The following EVI5 variants were observed in gnomAD, a reference collection of about 807,000 sequenced individuals.
The protein encoded by EVI5 is ecotropic viral integration site 5.
Under a neutral mutation model 112.0 loss-of-function variants are expected in EVI5, and 73 were observed. The observed-to-expected ratio is 0.65, with a 90% CI of 0.54 to 0.79. EVI5 has a LOEUF of 0.79. Among genes scored for constraint, EVI5 ranks in the 30% least tolerant of loss-of-function variants. The probability of loss-of-function intolerance (pLI) is 0.00; values close to 1 mark genes in which losing one functional copy is unlikely to be tolerated. For missense variants in EVI5, 900 were observed against 968.8 expected, an observed-to-expected ratio of 0.93 and a Z score of 0.94; for synonymous variants, 305 against 319.9, an observed-to-expected ratio of 0.95 and a Z score of 0.50.
At chr1:92,644,847 T>C (rs1193538703) in intron 13 of EVI5, among the ~76,000 whole-genome samples, 1 of 152,190 alleles carries the variant, frequency 6.6e-6, no homozygotes, top group East Asian at 1.9e-4. Context: ...TAATTTCTAA[T>C]TGAATGATAT....
At chr1:92,597,698 A>T (rs1340735353) in intron 18 of EVI5, among the ~76,000 whole-genome samples, 1 of 152,256 alleles carries the variant, frequency 6.6e-6, no homozygotes, top group East Asian at 1.9e-4. Flanking sequence ...CTACTGGTCA[A>T]ATTTGGTCAA....
At chr1:92,572,989 A>G (rs907691644) in intron 18 of EVI5, among the ~76,000 whole-genome samples, 2 of 152,086 alleles carry the variant, frequency 1.3e-5, no homozygotes, top group Non-Finnish European at 2.9e-5. Context: ...CTTTTTAGCT[A>G]TATAAGCCAA....
intron 2 of EVI5, among the ~76,000 whole-genome samples, chr1:92,712,999 G>C (rs1570525442): frequency 6.6e-6 from 1 of 151,422 alleles, no homozygotes; most frequent in East Asian, 1.9e-4. Context: ...GTCTTGAGAG[G>C]CTGGTCTCAA....
At chr1:92,780,182 G>A (rs1050743988) in intron 1 of EVI5, among the ~76,000 whole-genome samples, 8 of 152,192 alleles carry the variant, frequency 5.3e-5, no homozygotes, top group South Asian at 4.1e-4. Flanking sequence ...GCATTCATTC[G>A]CTCTCCTGTT....
intron 16 of EVI5, among the ~76,000 whole-genome samples, chr1:92,621,974 A>T (rs1654688941): frequency 6.6e-6 from 1 of 152,002 alleles, no homozygotes; most frequent in Admixed American, 6.6e-5. Context: ...TACAAAAATT[A>T]GCCAGGCGTG....
chr1:92,545,629 A>G (rs1665557719), intron 19 of EVI5, among the ~76,000 whole-genome samples: 1 of 152,184 alleles, frequency 6.6e-6, no homozygotes, highest in African/African-American at 2.4e-5. Flanking sequence ...ACGATTTTTA[A>G]AAACACAATC....
At chr1:92,703,304 T>C (rs983824221) in intron 4 of EVI5, 91 bp downstream of exon 4, 7 of 743,792 alleles carry the variant, frequency 9.4e-6, no homozygotes, top group Admixed American at 6.1e-5. Flanking sequence ...CTGATTATTG[T>C]GGTGGGAGGT....
At chr1:92,681,693 A>G (rs1359959551) in intron 9 of EVI5, among the ~76,000 whole-genome samples, 1 of 152,226 alleles carries the variant, frequency 6.6e-6, no homozygotes, top group African/African-American at 2.4e-5. Context: ...AGTCTGGCCC[A>G]TGAGGAGGAC....
intron 19 of EVI5, among the ~76,000 whole-genome samples, chr1:92,518,655 TA>T (rs11432913): frequency 1.5e-4 from 22 of 145,432 alleles, no homozygotes; most frequent in East Asian, 2.0e-4. Flanking sequence ...AGGGATGCTT[TA>T]AAAAAAAAAA....
At chr1:92,592,786 A>C (rs1235647965) in intron 18 of EVI5, among the ~76,000 whole-genome samples, 1 of 152,240 alleles carries the variant, frequency 6.6e-6, no homozygotes, top group Admixed American at 6.5e-5. Context: ...AGCATACTAT[A>C]AACACCTCTA....
intron 16 of EVI5, among the ~76,000 whole-genome samples, chr1:92,611,404 T>C (rs1314364037): frequency 1.3e-5 from 2 of 151,758 alleles, no homozygotes; most frequent in South Asian, 4.1e-4. Flanking sequence ...AGTAAATTTA[T>C]TTTAAGAAAG....
chr1:92,589,724 C>T (rs1385697332), intron 18 of EVI5, among the ~76,000 whole-genome samples: 1 of 152,208 alleles, frequency 6.6e-6, no homozygotes, highest in Non-Finnish European at 1.5e-5. Flanking sequence ...GCAGAAACCT[C>T]CGCAGACTTA....
intron 19 of EVI5, among the ~76,000 whole-genome samples, chr1:92,550,781 A>AAAAAATAT (rs1557766166): frequency 2.0e-4 from 4 of 20,324 alleles, no homozygotes; most frequent in Non-Finnish European, 2.3e-4. Flanking sequence ...AAAAAAAAAA[A>AAAAAATAT]ATATATATAT....
chr1:92,736,540 T>TG lies in EVI5; in HGVS notation c.6dup (p.Ser3GlnfsTer42). On this transcript the variant is annotated frameshift_variant, in exon 2 of 20. Transcript: ENST00000684568. LOFTEE classifies it high-confidence loss of function. The stretch of plus-strand genomic sequence containing the variant: ...GAAGTAGATGGACTTGCCACCTGAC[T>TG]GGCCATCTGACTGACTGTATGCGAT... 6.2e-7 allele frequency: 1 copy of TG among 1,613,892 alleles called. No homozygotes were observed. The highest frequency in any genetic ancestry group is 8.5e-7 in the Non-Finnish European group (1 of 1,179,754).
At chr1:92,605,496 G>GT in intron 17 of EVI5, 94 bp from the exon 18 acceptor site, 1 of 784,426 alleles carries the variant, frequency 1.3e-6, no homozygotes. Context: ...CATACGTTAA[G>GT]TATTATCTAG....
intron 18 of EVI5, among the ~76,000 whole-genome samples, chr1:92,577,173 A>G (rs774224182): frequency 2.0e-5 from 3 of 152,216 alleles, no homozygotes; most frequent in Non-Finnish European, 4.4e-5. Flanking sequence ...GGGCCCCAAT[A>G]TAATTCCCTT....
chr1:92,783,296 C>T (rs148755319), intron 1 of EVI5, among the ~76,000 whole-genome samples: 58 of 150,634 alleles, frequency 3.9e-4, no homozygotes, highest in African/African-American at 1.3e-3. Context: ...AAGGCCGAGG[C>T]GGGCAGATCA....
chr1:92,712,948 A>G (rs1673059146), intron 2 of EVI5, among the ~76,000 whole-genome samples: 2 of 150,930 alleles, frequency 1.3e-5, no homozygotes, highest in African/African-American at 2.4e-5. Context: ...AAATATATAT[A>G]TAAGATATAT....
Position 92,605,405 on chromosome 1 carries a change from AGT to A in EVI5, c.1975-5_1975-4del, listed in dbSNP as rs1386854402. On this transcript the variant is annotated splice_polypyrimidine_tract_variant and splice_region_variant and intron_variant, in intron 17 of 19. Transcript: ENST00000684568. The stretch of plus-strand genomic sequence containing the variant: ...ACAGCCATCACTTCTTCCTTATTCT[AGT>A]GTGGTAAACCAAACCGAAACAAAAT... The A allele has an allele frequency of 1.7e-5, 28 of 1,601,746 alleles. No individual in the cohort carries two copies. The highest frequency in any genetic ancestry group is 2.4e-5 in the Non-Finnish European group (28 of 1,169,726).
Sources: gnomAD v4.1 joint callset for allele counts (sites outside exome capture counted in the v4.1 genomes callset) on GRCh38, gnomAD v4.1.1 for gene constraint, MANE v1.5 for transcripts, NCBI Gene and HGNC (gene_info 2026-07-23, HGNC 2026-07-21) for gene names.